The following USP12 variants were observed in gnomAD, a reference collection of about 807,000 sequenced individuals.
USP12 encodes ubiquitin specific peptidase 12.
USP12 carries 19 observed loss-of-function variants against 45.5 expected under a neutral mutation model. That is an observed-to-expected ratio of 0.42 (90% CI 0.29 to 0.61). USP12 has a LOEUF of 0.61. USP12 is among the 20% of genes least tolerant of loss of function. USP12 has a pLI of 0.22. For synonymous variants in USP12, 149 were observed against 148.8 expected, an observed-to-expected ratio of 1.00 and a Z score of -0.01; for missense variants, 242 against 447.7, an observed-to-expected ratio of 0.54 and a Z score of 4.15.
chr13:27,145,922 C>T (rs1448164998), intron 1 of USP12, among the ~76,000 whole-genome samples: 2 of 152,060 alleles, frequency 1.3e-5, no homozygotes, highest in Admixed American at 1.3e-4. Context: ...ATTTAATGAT[C>T]CAGATTTTGT....
At chr13:27,148,447 G>A (rs1038303503) in intron 1 of USP12, among the ~76,000 whole-genome samples, 3 of 151,680 alleles carry the variant, frequency 2.0e-5, no homozygotes, top group Non-Finnish European at 1.5e-5. Context: ...AGGCCGAGGC[G>A]GGCAGATCAC....
chr13:27,123,572 C>G (rs1004369348), intron 1 of USP12, among the ~76,000 whole-genome samples: 1 of 152,140 alleles, frequency 6.6e-6, no homozygotes, highest in African/African-American at 2.4e-5. Context: ...TGGCAGAGAC[C>G]CAGTAGGAGG....
intron 8 of USP12, among the ~76,000 whole-genome samples, chr13:27,070,582 T>A (rs1375752441): frequency 3.3e-5 from 5 of 151,474 alleles, no homozygotes; most frequent in African/African-American, 1.2e-4. Flanking sequence ...GAGACGGAGT[T>A]CACTCTTATT....
chr13:27,133,023 C>T (rs1565999069), intron 1 of USP12, among the ~76,000 whole-genome samples: 1 of 152,196 alleles, frequency 6.6e-6, no homozygotes, highest in Non-Finnish European at 1.5e-5. Context: ...TCCACCAGGG[C>T]TCTCTCAAGA....
chr13:27,155,455 T>C (rs372964546), intron 1 of USP12, among the ~76,000 whole-genome samples: 108 of 152,216 alleles, frequency 7.1e-4, no homozygotes, highest in Non-Finnish European at 1.3e-3. Flanking sequence ...TACAGCCCCA[T>C]TGGAAACTAA....
chr13:27,077,628 A>T (rs1385022926), intron 6 of USP12: 1 of 152,218 alleles, frequency 6.6e-6, no homozygotes, highest in Non-Finnish European at 1.5e-5. Flanking sequence ...ATATGTGTGG[A>T]GCCATATTTT....
intron 1 of USP12, among the ~76,000 whole-genome samples, chr13:27,151,055 G>A (rs910683317): frequency 1.3e-5 from 2 of 152,118 alleles, no homozygotes; most frequent in Admixed American, 1.3e-4. Flanking sequence ...CAGGCCAGAC[G>A]CTGTGGCTCA....
intron 1 of USP12, among the ~76,000 whole-genome samples, chr13:27,122,811 T>TGGCCA (rs1663397051): frequency 6.6e-6 from 1 of 152,106 alleles, no homozygotes; most frequent in Admixed American, 6.5e-5. Context: ...ACAGGAAACG[T>TGGCCA]GGCCAGGCGC....
At chr13:27,161,076 A>AT (rs1221315341) in intron 1 of USP12, among the ~76,000 whole-genome samples, 2 of 152,156 alleles carry the variant, frequency 1.3e-5, no homozygotes, top group African/African-American at 4.8e-5. Flanking sequence ...CCCCTGCTCT[A>AT]TTAAGATATA....
At chr13:27,168,376 T>C (rs1235612449) in intron 1 of USP12, among the ~76,000 whole-genome samples, 5 of 152,182 alleles carry the variant, frequency 3.3e-5, no homozygotes, top group Non-Finnish European at 5.9e-5. Context: ...TAACAGTAAG[T>C]AGTGCCAGCT....
intron 3 of USP12, among the ~76,000 whole-genome samples, chr13:27,105,411 A>C (rs1336412315): frequency 6.6e-6 from 1 of 152,234 alleles, no homozygotes; most frequent in African/African-American, 2.4e-5. Flanking sequence ...AGCATGCAAA[A>C]AAAAAGAAAC....
chr13:27,128,469 A>C (rs1207855481), intron 1 of USP12, among the ~76,000 whole-genome samples: 1 of 152,178 alleles, frequency 6.6e-6, no homozygotes, highest in Admixed American at 6.5e-5. Flanking sequence ...AAATACTCTC[A>C]TGGATAGCTA....
chr13:27,170,709 A>T (rs1250971422), intron 1 of USP12, among the ~76,000 whole-genome samples: 1 of 152,350 alleles, frequency 6.6e-6, no homozygotes, highest in East Asian at 1.9e-4. Flanking sequence ...AACAAATACC[A>T]TCGCCTTGGC....
At chr13:27,167,167 C>A (rs1311920556) in intron 1 of USP12, among the ~76,000 whole-genome samples, 2 of 151,944 alleles carry the variant, frequency 1.3e-5, no homozygotes, top group African/African-American at 4.8e-5. Flanking sequence ...GAGGCTGAGG[C>A]AGGGGAATCA....
At chr13:27,132,428 C>CAA (rs138628703) in intron 1 of USP12, among the ~76,000 whole-genome samples, 99 of 148,404 alleles carry the variant, frequency 6.7e-4, no homozygotes, top group African/African-American at 2.4e-3. Context: ...TACAGGAAGG[C>CAA]AAAAAAAAAG....
intron 3 of USP12, among the ~76,000 whole-genome samples, chr13:27,103,490 G>C (rs1315894674): frequency 6.6e-6 from 1 of 151,084 alleles, no homozygotes; most frequent in Non-Finnish European, 1.5e-5. Flanking sequence ...GATGGGCTTA[G>C]AATATTTATT....
intron 1 of USP12, chr13:27,169,083 A>G (rs576988417): frequency 2.0e-5 from 3 of 152,218 alleles, no homozygotes; most frequent in Non-Finnish European, 4.4e-5. Context: ...TGAATGCAGA[A>G]CTTGGTACTC....
intron 6 of USP12, chr13:27,077,791 TCAAAACACTAAGGTCAC>T (rs1873559419): frequency 6.6e-6 from 1 of 152,144 alleles, no homozygotes; most frequent in Non-Finnish European, 1.5e-5. Context: ...GATTTCCTGC[TCAAAACACTAAGGTCAC>T]CAAAACACCA....
chr13:27,112,397 C>A (rs763688498), intron 2 of USP12, among the ~76,000 whole-genome samples: 1 of 151,600 alleles, frequency 6.6e-6, no homozygotes, highest in Non-Finnish European at 1.5e-5. Flanking sequence ...GATCCTCCCA[C>A]CTCAGTCTGT....
Sources: allele counts gnomAD v4.1 joint callset (sites outside exome capture counted in the v4.1 genomes callset), GRCh38; gene constraint gnomAD v4.1.1; transcripts MANE v1.5; gene names NCBI Gene and HGNC (gene_info 2026-07-23, HGNC 2026-07-21).